FBXW7: variants seen among roughly 807,000 people sequenced by gnomAD.
FBXW7 encodes the protein F-box and WD repeat domain containing 7.
FBXW7 carries 11 observed loss-of-function variants against 86.3 expected under a neutral mutation model. That is an observed-to-expected ratio of 0.13 (90% CI 0.08 to 0.21). FBXW7 has a LOEUF of 0.21. Ranked by LOEUF, FBXW7 falls within the 10% of genes least tolerant of loss-of-function variation. FBXW7 has a pLI of 1.00. For missense variants in FBXW7, 488 were observed against 847.4 expected, an observed-to-expected ratio of 0.58 and a Z score of 5.27; for synonymous variants, 313 against 297.9, an observed-to-expected ratio of 1.05 and a Z score of -0.52.
chr4:152,353,575 A>G (rs1256984052), intron 4 of FBXW7, among the ~76,000 whole-genome samples: 1 of 152,204 alleles, frequency 6.6e-6, no homozygotes, highest in Non-Finnish European at 1.5e-5. Flanking sequence ...TCCCCAAAAG[A>G]GCAAACACTG....
intron 4 of FBXW7, among the ~76,000 whole-genome samples, chr4:152,358,751 C>G (rs1319480343): frequency 1.3e-5 from 2 of 152,122 alleles, no homozygotes; most frequent in African/African-American, 4.8e-5. Context: ...TATACACCTA[C>G]CTTACCACCT....
intron 2 of FBXW7, among the ~76,000 whole-genome samples, chr4:152,436,227 T>G: frequency 6.6e-6 from 1 of 152,278 alleles, no homozygotes; most frequent in Admixed American, 6.5e-5. Context: ...GAAAGTGAAA[T>G]AGCCTTATTG....
chr4:152,445,937 A>AAAAAAAC (rs1741348480), intron 2 of FBXW7, among the ~76,000 whole-genome samples: 1 of 132,458 alleles, frequency 7.5e-6, no homozygotes, highest in Non-Finnish European at 1.6e-5. Context: ...AAAAAAAAAA[A>AAAAAAAC]AAAAACCAAA....
At chr4:152,326,265 C>CAA (rs1464594597) in intron 11 of FBXW7, 34 bp from the exon 12 acceptor site, 7 of 1,493,768 alleles carry the variant, frequency 4.7e-6, no homozygotes, top group Non-Finnish European at 6.4e-6. Context: ...CAAAACAAAA[C>CAA]AAAAAAACCC....
chr4:152,506,977 T>C (rs1469748769), intron 2 of FBXW7, among the ~76,000 whole-genome samples: 1 of 152,242 alleles, frequency 6.6e-6, no homozygotes, highest in Non-Finnish European at 1.5e-5. Flanking sequence ...GTCTATCTAA[T>C]ACCTTGCTTA....
intron 2 of FBXW7, among the ~76,000 whole-genome samples, chr4:152,414,500 T>G (rs1280308478): frequency 6.6e-6 from 1 of 152,102 alleles, no homozygotes; most frequent in Admixed American, 6.6e-5. Context: ...AAAAGTATCA[T>G]TCGTGGCTGT....
intron 2 of FBXW7, among the ~76,000 whole-genome samples, chr4:152,431,147 T>C (rs1377736779): frequency 1.3e-5 from 2 of 152,176 alleles, no homozygotes; most frequent in African/African-American, 4.8e-5. Context: ...AGAAAAGAAA[T>C]CTAGACAGGA....
At chr4:152,404,815 G>A (rs1000751528) in intron 4 of FBXW7, among the ~76,000 whole-genome samples, 4 of 152,156 alleles carry the variant, frequency 2.6e-5, no homozygotes, top group Non-Finnish European at 4.4e-5. Flanking sequence ...AATGAGGCTG[G>A]GGCATGGTGG....
chr4:152,421,011 A>G (rs1738895650), intron 2 of FBXW7, among the ~76,000 whole-genome samples: 1 of 152,168 alleles, frequency 6.6e-6, no homozygotes. Flanking sequence ...GGCATCTTCC[A>G]ATAGAGTGCT....
rs936906897 is a variant in FBXW7, at chr4:152,329,799, G to A, written c.1123-14C>T. The stretch of plus-strand genomic sequence containing the variant: ...TCCTTTCAGCACCTATAAGAAAGAT[G>A]TGCAGATTAGAAATATGTTAATTAA... On this transcript the variant is annotated splice_polypyrimidine_tract_variant and intron_variant, in intron 9 of 13. Transcript: ENST00000281708. The A allele has an allele frequency of 4.9e-6, 7 of 1,416,918 alleles. No individual in the cohort carries two copies. The highest frequency in any genetic ancestry group is 2.4e-5 in the Admixed American group (1 of 41,740). The allele number at this position is 1,416,918 out of a possible 1,614,324, so 87.8% of individuals were successfully genotyped here.
intron 4 of FBXW7, among the ~76,000 whole-genome samples, chr4:152,403,633 A>G (rs1289490984): frequency 6.6e-6 from 1 of 151,788 alleles, no homozygotes; most frequent in African/African-American, 2.4e-5. Flanking sequence ...CACGCATTAG[A>G]CTCTCGGAAG....
intron 2 of FBXW7, among the ~76,000 whole-genome samples, chr4:152,459,482 C>A (rs1426075337): frequency 6.6e-6 from 1 of 152,104 alleles, no homozygotes; most frequent in Admixed American, 6.6e-5. Context: ...CATTCCAAGA[C>A]TCTTTATAGA....
Position 152,476,611 on chromosome 4 carries a change from A to C in FBXW7, c.-120+58330T>G, listed in dbSNP as rs141448361. On this transcript the variant is annotated intron_variant, in intron 2 of 13. Coordinates refer to ENST00000281708, the MANE Select transcript of FBXW7 (RefSeq NM_001349798.2). The stretch of plus-strand genomic sequence containing the variant: ...AAGAACTCTCAAACTCAACAATAAG[A>C]AAGCAAATAACCTGATTTTAAAAGC... 6.8e-4 allele frequency among the ~76,000 whole-genome samples: 104 copies of C among 152,306 alleles called. 1 individual carries two copies. In the East Asian group the frequency reaches 0.018, roughly 27 times the overall value.
intron 2 of FBXW7, among the ~76,000 whole-genome samples, chr4:152,457,310 T>A (rs1257313959): frequency 6.6e-6 from 1 of 152,182 alleles, no homozygotes; most frequent in South Asian, 2.1e-4. Context: ...GTTTCATGAG[T>A]GCACATATAC....
At chr4:152,422,960 A>T (rs1276907809) in intron 2 of FBXW7, among the ~76,000 whole-genome samples, 1 of 152,112 alleles carries the variant, frequency 6.6e-6, no homozygotes, top group Non-Finnish European at 1.5e-5. Context: ...TTTATGTTTG[A>T]TCTGACTTTT....
intron 2 of FBXW7, among the ~76,000 whole-genome samples, chr4:152,478,258 C>T (rs1744595401): frequency 6.6e-6 from 1 of 152,022 alleles, no homozygotes; most frequent in African/African-American, 2.4e-5. Context: ...GCCTTAGTAA[C>T]TTCTATTATA....
rs772668762 is a variant in FBXW7, at chr4:152,328,331, T to A, written c.1295A>T (p.Asn432Ile). 4 of 1,591,930 alleles carry A rather than the reference T, an allele frequency of 2.5e-6. No individual in the cohort carries two copies. Among genetic ancestry groups the A allele is most frequent in the South Asian group, 2.3e-5 (2 of 87,258 alleles). ...ATCTGTAGATCCACTAATGATGATG[T>A]TGTCTCTCATTTGTGATGACCATAC... ...GGVWSSQMRDNIIISGSTDRT... is the reference protein window; with the variant it reads ...GGVWSSQMRDIIIISGSTDRT... Residue 432 changes from asparagine to isoleucine, a missense_variant, in exon 11 of 14, where the codon AAC (asparagine) becomes ATC (isoleucine). Physicochemically the swap from Asn to Ile is moderately radical, Grantham distance 149. This residue lies in a region of FBXW7 where 142 missense variants were observed against 406.6 expected (regional missense o/e 0.35). Coordinates refer to ENST00000281708, the MANE Select transcript of FBXW7 (RefSeq NM_001349798.2).
intron 2 of FBXW7, among the ~76,000 whole-genome samples, chr4:152,453,308 T>C (rs1157249068): frequency 2.6e-5 from 4 of 152,228 alleles, no homozygotes; most frequent in African/African-American, 9.6e-5. Context: ...TAGCCCACAT[T>C]TTCCCCTGTA....
At chr4:152,480,425 G>C (rs1744776447) in intron 2 of FBXW7, among the ~76,000 whole-genome samples, 1 of 151,922 alleles carries the variant, frequency 6.6e-6, no homozygotes, top group Admixed American at 6.6e-5. Context: ...TATTCCCTAA[G>C]ACAAAACAAC....
Sources: gnomAD v4.1 joint callset for allele counts (sites outside exome capture counted in the v4.1 genomes callset) on GRCh38, gnomAD v4.1.1 for gene constraint, gnomAD v4.1.1 regional missense constraint, MANE v1.5 for transcripts, NCBI Gene and HGNC (gene_info 2026-07-23, HGNC 2026-07-21) for gene names.